IQANK1: variants seen among roughly 807,000 people sequenced by gnomAD.
The protein encoded by IQANK1 is IQ motif and ankyrin repeat domain-containing protein 1.
Under a neutral mutation model 22.6 loss-of-function variants are expected in IQANK1, and 30 were observed. That is an observed-to-expected ratio of 1.33 (90% confidence interval 0.99 to 1.80). The LOEUF is 1.80. IQANK1 is among the 40% of genes most tolerant of loss of function. The pLI is 0.00. For missense variants in IQANK1, 275 were observed against 235.2 expected (o/e 1.17, Z -1.11); for synonymous variants, 122 against 99.6 (o/e 1.23, Z -1.34).
intron 7 of IQANK1, among the ~76,000 whole-genome samples, chr8:143,773,839 G>A (rs1332977792): frequency 6.6e-6 from 1 of 152,188 alleles, no homozygotes; most frequent in Admixed American, 6.5e-5. Context: ...GGCGTCCAGA[G>A]GTGCAAGTGG....
intron 7 of IQANK1, among the ~76,000 whole-genome samples, chr8:143,785,616 G>A (rs1029888842): frequency 6.6e-6 from 1 of 152,052 alleles, no homozygotes; most frequent in Non-Finnish European, 1.5e-5. Context: ...CTGGAGTGCA[G>A]TGGTGTGATC....
At chr8:143,738,739 G>A (rs1192698054) in intron 2 of IQANK1, among the ~76,000 whole-genome samples, 3 of 152,094 alleles carry the variant, frequency 2.0e-5, no homozygotes, top group African/African-American at 4.8e-5. Flanking sequence ...ACAGCTGGTC[G>A]AGGGAAACTC....
At chr8:143,775,335 TACACACACACACACACACAGAC>T (rs1289168549) in intron 7 of IQANK1, among the ~76,000 whole-genome samples, 1 of 147,620 alleles carries the variant, frequency 6.8e-6, no homozygotes, top group Non-Finnish European at 1.5e-5. Context: ...CCAGGCATGC[TACACACACACACACACACAGAC>T]ACACACACAC....
intron 2 of IQANK1, 112 bp from the exon 3 acceptor site, chr8:143,739,747 G>T (rs998283526): frequency 1.7e-5 from 10 of 578,442 alleles, no homozygotes; most frequent in Non-Finnish European, 2.2e-5. Flanking sequence ...CGGGTGGGGG[G>T]CTCCCTGTCT....
chr8:143,747,899 G>T (rs1313663759), intron 3 of IQANK1, among the ~76,000 whole-genome samples: 1 of 131,000 alleles, frequency 7.6e-6, no homozygotes, highest in African/African-American at 2.7e-5. Context: ...CTAGTTGGTT[G>T]ATTGTGTTAA....
At chr8:143,764,451 C>CAAAAA (rs33978948) in intron 3 of IQANK1, among the ~76,000 whole-genome samples, 2 of 129,498 alleles carry the variant, frequency 1.5e-5, no homozygotes, top group African/African-American at 5.9e-5. Context: ...TCCGTCGCTA[C>CAAAAA]AAAAAAAAAA....
chr8:143,737,637 C>A (rs1554625847), intron 2 of IQANK1, among the ~76,000 whole-genome samples: 2 of 152,336 alleles, frequency 1.3e-5, no homozygotes, highest in Admixed American at 1.3e-4. Flanking sequence ...CCACCCCATC[C>A]AGGCCTTACC....
chr8:143,761,808 G>GTTTT (rs11418981), intron 3 of IQANK1, among the ~76,000 whole-genome samples: 1 of 146,178 alleles, frequency 6.8e-6, no homozygotes, highest in Non-Finnish European at 1.5e-5. Flanking sequence ...AAATTTCAGT[G>GTTTT]TTTTTTTTTT....
chr8:143,777,920 C>T (rs1049436860), intron 7 of IQANK1, among the ~76,000 whole-genome samples: 2 of 152,090 alleles, frequency 1.3e-5, no homozygotes, highest in African/African-American at 4.8e-5. Context: ...TGTTGCCGGG[C>T]GCGGTGGCTC....
intron 7 of IQANK1, among the ~76,000 whole-genome samples, chr8:143,781,494 T>C (rs1819797885): frequency 6.6e-6 from 1 of 152,218 alleles, no homozygotes. Context: ...GAGTTGATTT[T>C]TATGTATGGT....
chr8:143,762,418 C>T (rs1819412853), intron 3 of IQANK1, among the ~76,000 whole-genome samples: 1 of 152,148 alleles, frequency 6.6e-6, no homozygotes, highest in Admixed American at 6.6e-5. Context: ...GGAGCCAGGC[C>T]CTGTTTGGCC....
In IQANK1 at chr8:143,790,419, G is replaced by A. The variant is rs942926325; in HGVS notation, c.1494G>A (p.Glu498=). 13 of 688,914 alleles carry A rather than the reference G, an allele frequency of 1.9e-5. No individual in the cohort carries two copies. The highest frequency in any genetic ancestry group is 4.3e-5 in the Admixed American group (1 of 23,014). The allele number at this position is 688,914 out of a possible 1,614,324, so 42.7% of individuals were successfully genotyped here. ...TCCCAGTCGTGCAGCGGCAGCTGGAGGCGGTGCAGGAGAGGTACCTGTCGC... is the reference window on the plus strand; with the variant it reads ...TCCCAGTCGTGCAGCGGCAGCTGGAAGCGGTGCAGGAGAGGTACCTGTCGC... ...DLFPVVQRQL[E]AVQERYLSLL... is the part of the protein sequence containing the mutation. Residue 498 remains glutamate (E), a synonymous_variant, in exon 14 of 14, where the codon GAG becomes GAA. Transcript: ENST00000527139.
At chr8:143,769,952 G>A (rs907999355) in intron 3 of IQANK1, among the ~76,000 whole-genome samples, 8 of 152,188 alleles carry the variant, frequency 5.3e-5, no homozygotes, top group Admixed American at 1.3e-4. Context: ...AGCCTTCGGA[G>A]GTGGCCGTGG....
At chr8:143,775,006 G>A (rs1819656434) in intron 7 of IQANK1, among the ~76,000 whole-genome samples, 1 of 152,168 alleles carries the variant, frequency 6.6e-6, no homozygotes, top group South Asian at 2.1e-4. Context: ...AGATGGGGCC[G>A]ACTGGGCAGG....
At chr8:143,778,582 C>T (rs75830013) in intron 7 of IQANK1, among the ~76,000 whole-genome samples, 6,115 of 152,168 alleles carry the variant, frequency 0.04, 385 homozygotes, top group African/African-American at 0.13. Context: ...TCTCTCTCTC[C>T]CCATAATTGA....
chr8:143,783,749 C>T (rs1554631126), intron 7 of IQANK1, among the ~76,000 whole-genome samples: 1 of 152,184 alleles, frequency 6.6e-6, no homozygotes, highest in East Asian at 1.9e-4. Context: ...TGTTTTGGTC[C>T]TCCTTGTGCA....
At chr8:143,772,614 G>A (rs1819603369) in intron 7 of IQANK1, 132 bp downstream of exon 7, 2 of 396,782 alleles carry the variant, frequency 5.0e-6, no homozygotes, top group Admixed American at 4.4e-5. Flanking sequence ...GGCAGGGAAG[G>A]CTCACCCGAC....
chr8:143,751,660 G>GTATATATATATATATATATATATATATA (rs1440239363), intron 3 of IQANK1, among the ~76,000 whole-genome samples: 16 of 43,984 alleles, frequency 3.6e-4, no homozygotes, highest in African/African-American at 6.7e-4. Flanking sequence ...GTGTGTGTGT[G>GTATATATATATATATATATATATATATA]TGTGTATATA....
chr8:143,788,359 C>T (rs1819933803), intron 7 of IQANK1, among the ~76,000 whole-genome samples: 1 of 152,242 alleles, frequency 6.6e-6, no homozygotes, highest in Non-Finnish European at 1.5e-5. Context: ...AAGTCAGGGA[C>T]TCACCCGGCG....
Sources: gnomAD v4.1 joint callset for allele counts (sites outside exome capture counted in the v4.1 genomes callset) on GRCh38, gnomAD v4.1.1 for gene constraint, MANE v1.5 for transcripts, NCBI Gene and HGNC (gene_info 2026-07-23, HGNC 2026-07-21) for gene names.